The following DCC variants were observed in gnomAD, a reference collection of about 807,000 sequenced individuals.
The protein encoded by DCC is netrin receptor DCC.
DCC carries 58 observed loss-of-function variants against 172.5 expected under a neutral mutation model. The observed-to-expected ratio is 0.34, with a 90% CI of 0.27 to 0.42. The LOEUF is 0.42. DCC is among the 10% of genes least tolerant of loss of function. The pLI is 1.00. For missense variants in DCC, 1,740 were observed against 1,791.0 expected, an observed-to-expected ratio of 0.97 and a Z score of 0.51; for synonymous variants, 709 against 644.5, an observed-to-expected ratio of 1.10 and a Z score of -1.52.
intron 1 of DCC, among the ~76,000 whole-genome samples, chr18:52,550,541 C>A (rs2032740793): frequency 1.3e-5 from 2 of 152,126 alleles, no homozygotes; most frequent in Admixed American, 6.6e-5. Context: ...TCATTACTAC[C>A]TTCTGTTTCT....
intron 7 of DCC, 100 bp downstream of exon 7, chr18:53,066,266 G>C (rs953264303): frequency 1.8e-6 from 2 of 1,136,230 alleles, no homozygotes; most frequent in African/African-American, 3.1e-5. Flanking sequence ...AGGGCAATAT[G>C]GCAATATGAA....
chr18:52,950,204 T>C (rs1357010398), intron 5 of DCC, among the ~76,000 whole-genome samples: 4 of 151,352 alleles, frequency 2.6e-5, no homozygotes, highest in African/African-American at 9.7e-5. Context: ...TCCCCCAGAA[T>C]AGGGGCTTTT....
rs77918385 is a variant in DCC, at chr18:52,380,765, C to T, written c.91+39887C>T. ...GATCTAAAATTGTATGAATCAATTA[C>T]GTACATAGCTTCTTGCACCCAATGT... On this transcript the variant is annotated intron_variant, in intron 1 of 28. Transcript: ENST00000442544. Among the ~76,000 whole-genome samples the T allele has an allele frequency of 8.0e-3, 1,218 of 152,186 alleles. 20 individuals are homozygous for T. The highest frequency in any genetic ancestry group is 0.028 in the African/African-American group (1,162 of 41,542).
chr18:52,664,164 T>C (rs2035416754), intron 1 of DCC, among the ~76,000 whole-genome samples: 1 of 152,194 alleles, frequency 6.6e-6, no homozygotes, highest in Admixed American at 6.5e-5. Flanking sequence ...CAAAACTTCT[T>C]AAAGAAAAGA....
At chr18:53,178,626 A>G (rs892003902) in intron 8 of DCC, among the ~76,000 whole-genome samples, 1 of 152,198 alleles carries the variant, frequency 6.6e-6, no homozygotes. Context: ...TCCTGTCTAC[A>G]TTCCAGATGT....
At chr18:53,311,756 T>G (rs1357787520) in intron 13 of DCC, among the ~76,000 whole-genome samples, 2 of 152,196 alleles carry the variant, frequency 1.3e-5, no homozygotes, top group African/African-American at 2.4e-5. Flanking sequence ...TTTTTATTTA[T>G]GTATCCCCAT....
chr18:53,383,281 G>C (rs1907902740), intron 15 of DCC, among the ~76,000 whole-genome samples: 1 of 151,876 alleles, frequency 6.6e-6, no homozygotes, highest in African/African-American at 2.4e-5. Flanking sequence ...TAATTTTACT[G>C]TTTTGTTTTT....
chr18:52,905,990 G>C, intron 2 of DCC, 54 bp from the exon 3 acceptor site: 1 of 1,162,136 alleles, frequency 8.6e-7, no homozygotes, highest in Non-Finnish European at 1.3e-6. Context: ...TTTTATTGGC[G>C]ATTATTGTGC....
intron 1 of DCC, among the ~76,000 whole-genome samples, chr18:52,676,956 T>A (rs1161345710): frequency 6.6e-6 from 1 of 152,168 alleles, no homozygotes; most frequent in African/African-American, 2.4e-5. Flanking sequence ...TAGAGCAGCA[T>A]TTTTGATATC....
intron 7 of DCC, among the ~76,000 whole-genome samples, chr18:53,155,396 G>A (rs1449913794): frequency 6.6e-6 from 1 of 152,148 alleles, no homozygotes; most frequent in East Asian, 1.9e-4. Flanking sequence ...GAGATCACCT[G>A]TCGAGATGAA....
intron 12 of DCC, among the ~76,000 whole-genome samples, chr18:53,286,058 G>T (rs896904483): frequency 6.6e-6 from 1 of 152,174 alleles, no homozygotes; most frequent in Non-Finnish European, 1.5e-5. Context: ...ACAGGTGGAA[G>T]GGACTTGCCT....
intron 5 of DCC, among the ~76,000 whole-genome samples, chr18:52,932,933 T>A (rs1259313104): frequency 6.6e-6 from 1 of 152,066 alleles, no homozygotes; most frequent in Non-Finnish European, 1.5e-5. Flanking sequence ...ATTCTGCAAA[T>A]AGATAATAGA....
At chr18:52,751,136 T>C (rs73457791) in intron 1 of DCC, among the ~76,000 whole-genome samples, 16,428 of 152,146 alleles carry the variant, frequency 0.11, 2,951 homozygotes, top group African/African-American at 0.37. Context: ...GCCCCAAAGA[T>C]TGTTCAAAAT....
At chr18:53,343,925 G>A (rs999837115) in intron 15 of DCC, among the ~76,000 whole-genome samples, 1 of 151,670 alleles carries the variant, frequency 6.6e-6, no homozygotes, top group Non-Finnish European at 1.5e-5. Flanking sequence ...TCTCTTGTTG[G>A]CACAGTTATT....
chr18:53,188,705 G>T (rs1242799579), intron 9 of DCC, among the ~76,000 whole-genome samples: 2 of 152,118 alleles, frequency 1.3e-5, no homozygotes, highest in African/African-American at 4.8e-5. Flanking sequence ...GACCTTTCTG[G>T]AGCCTAGAAG....
At chr18:52,923,097 G>A (rs2040149189) in intron 3 of DCC, among the ~76,000 whole-genome samples, 1 of 152,046 alleles carries the variant, frequency 6.6e-6, no homozygotes, top group Non-Finnish European at 1.5e-5. Flanking sequence ...CTCACTCTTT[G>A]AAATGTTGTT....
chr18:52,611,903 A>G (rs1206072410), intron 1 of DCC, among the ~76,000 whole-genome samples: 2 of 152,240 alleles, frequency 1.3e-5, no homozygotes, highest in Non-Finnish European at 2.9e-5. Context: ...AAATGATTAC[A>G]TATGTGATTT....
At chr18:52,670,473 T>C (rs879038012) in intron 1 of DCC, among the ~76,000 whole-genome samples, 3 of 152,226 alleles carry the variant, frequency 2.0e-5, no homozygotes, top group Non-Finnish European at 4.4e-5. Context: ...AGAAAATTAT[T>C]AAATGTCCAT....
At chr18:53,464,975 A>AAT in intron 24 of DCC, among the ~76,000 whole-genome samples, 2 of 141,796 alleles carry the variant, frequency 1.4e-5, no homozygotes, top group African/African-American at 5.5e-5. Context: ...GCAAAACTCA[A>AAT]TCTCAAAAAA....
Sources: allele counts gnomAD v4.1 joint callset (sites outside exome capture counted in the v4.1 genomes callset), GRCh38; gene constraint gnomAD v4.1.1; transcripts MANE v1.5; gene names NCBI Gene and HGNC (gene_info 2026-07-23, HGNC 2026-07-21).